The following RAD51B variants were observed in gnomAD, a reference collection of about 807,000 sequenced individuals.
The protein encoded by RAD51B is RAD51 paralog B, also known as DNA repair protein RAD51 homolog 2.
Under a neutral mutation model 42.2 loss-of-function variants are expected in RAD51B, and 38 were observed. That is an observed-to-expected ratio of 0.90 (90% confidence interval 0.70 to 1.18). The LOEUF is 1.18. Among genes scored for constraint, RAD51B ranks in the 50% most tolerant of loss-of-function variants. The probability of loss-of-function intolerance (pLI) is 0.00; values close to 1 mark genes in which losing one functional copy is unlikely to be tolerated. For missense variants in RAD51B, 373 were observed against 400.7 expected, an observed-to-expected ratio of 0.93 and a Z score of 0.59; for synonymous variants, 154 against 145.2, an observed-to-expected ratio of 1.06 and a Z score of -0.43.
chr14:68,491,703 A>G (rs1422718226), intron 10 of RAD51B, among the ~76,000 whole-genome samples: 1 of 152,166 alleles, frequency 6.6e-6, no homozygotes, highest in Non-Finnish European at 1.5e-5. Flanking sequence ...CCGAGTCCCA[A>G]TTCCCCAGTT....
intron 10 of RAD51B, among the ~76,000 whole-genome samples, chr14:68,605,932 G>A (rs1271258833): frequency 2.0e-5 from 3 of 152,306 alleles, no homozygotes; most frequent in South Asian, 2.1e-4. Context: ...TAGGGGACAC[G>A]CTGTCTGTGC....
chr14:68,561,906 C>T lies in RAD51B; in HGVS notation c.1037-32579C>T, dbSNP rs747036003. ...GGACAACAGTCTTCCATGCAGAGGG[C>T]GAGTGGGAGGATGAAATGAGGTCAT... On this transcript the variant is annotated intron_variant, in intron 10 of 10. Coordinates refer to the RAD51B transcript ENST00000487270. The T allele has an allele frequency of 1.2e-4, 110 of 948,650 alleles. No individual in the cohort carries two copies. The Admixed American group carries it at 1.5e-3, about 13-fold the overall frequency. 58.8% of individuals were successfully genotyped at this position (948,650 alleles called of 1,614,324 possible). A position where few individuals can be genotyped will look rare whatever the true frequency, so the allele number is the denominator to read the frequency against.
intron 7 of RAD51B, among the ~76,000 whole-genome samples, chr14:68,079,309 T>G (rs2140486175): frequency 6.6e-6 from 1 of 152,320 alleles, no homozygotes; most frequent in East Asian, 1.9e-4. Context: ...CTTTTTTATT[T>G]CATGTGGTCT....
At chr14:68,676,455 T>C (rs929451749) in intron 11 of RAD51B, among the ~76,000 whole-genome samples, 6 of 152,154 alleles carry the variant, frequency 3.9e-5, no homozygotes, top group Admixed American at 1.3e-4. Context: ...TAATAACTTT[T>C]AGGAGATTTG....
intron 8 of RAD51B, among the ~76,000 whole-genome samples, chr14:68,331,366 T>TAAAA (rs1477806707): frequency 0.018 from 256 of 14,130 alleles, 12 homozygotes; most frequent in East Asian, 0.14. Context: ...AGACTCTGTC[T>TAAAA]CAAAAAAAAA....
At chr14:67,893,105 T>A (rs1006363644) in intron 7 of RAD51B, among the ~76,000 whole-genome samples, 1 of 152,206 alleles carries the variant, frequency 6.6e-6, no homozygotes, top group South Asian at 2.1e-4. Flanking sequence ...CTAATAGATA[T>A]GTACAAGAGT....
intron 7 of RAD51B, among the ~76,000 whole-genome samples, chr14:68,102,232 T>C (rs569551873): frequency 6.6e-6 from 1 of 152,334 alleles, no homozygotes; most frequent in East Asian, 1.9e-4. Flanking sequence ...ACCTCTGACA[T>C]GCCCTGGAGA....
chr14:68,459,214 T>G (rs1024121660), intron 9 of RAD51B, among the ~76,000 whole-genome samples: 1 of 152,210 alleles, frequency 6.6e-6, no homozygotes, highest in African/African-American at 2.4e-5. Context: ...CTTGGAGAGT[T>G]CAGCTCAACC....
At chr14:68,321,114 T>C (rs1175554575) in intron 8 of RAD51B, among the ~76,000 whole-genome samples, 6 of 152,172 alleles carry the variant, frequency 3.9e-5, no homozygotes, top group Non-Finnish European at 7.4e-5. Context: ...CTTCTCACGA[T>C]TTTTAAAATC....
chr14:68,419,587 T>C (rs2084647124), intron 9 of RAD51B, among the ~76,000 whole-genome samples: 1 of 152,204 alleles, frequency 6.6e-6, no homozygotes, highest in Non-Finnish European at 1.5e-5. Context: ...ACTTTCCTTA[T>C]AGACAACATC....
At chr14:67,913,051 T>C (rs867640649) in intron 7 of RAD51B, among the ~76,000 whole-genome samples, 7 of 152,188 alleles carry the variant, frequency 4.6e-5, no homozygotes, top group African/African-American at 1.7e-4. Flanking sequence ...AATCTTTTAA[T>C]AGTATCGTAA....
intron 8 of RAD51B, among the ~76,000 whole-genome samples, chr14:68,350,949 A>G (rs766735396): frequency 2.0e-5 from 3 of 152,198 alleles, no homozygotes; most frequent in African/African-American, 7.2e-5. Flanking sequence ...ACTATCCAAC[A>G]TGGCATCCCC....
intron 7 of RAD51B, among the ~76,000 whole-genome samples, chr14:68,092,391 G>T (rs2140521406): frequency 6.6e-6 from 1 of 152,220 alleles, no homozygotes; most frequent in Non-Finnish European, 1.5e-5. Context: ...GTGGTTTGTA[G>T]TTCTCCTTGA....
intron 7 of RAD51B, among the ~76,000 whole-genome samples, chr14:68,143,015 G>C (rs1404699504): frequency 6.6e-6 from 1 of 150,966 alleles, no homozygotes; most frequent in Non-Finnish European, 1.5e-5. Context: ...CGGAGGGCGA[G>C]GGGGTGGGGG....
At chr14:68,106,853 C>A (rs2140568958) in intron 7 of RAD51B, among the ~76,000 whole-genome samples, 1 of 151,860 alleles carries the variant, frequency 6.6e-6, no homozygotes, top group South Asian at 2.1e-4. Context: ...ATTTAGGAGC[C>A]AAATACATAA....
At chr14:68,540,399 T>C (rs1887898824) in intron 10 of RAD51B, 2 of 1,055,526 alleles carry the variant, frequency 1.9e-6, no homozygotes, top group Non-Finnish European at 1.1e-6. Context: ...TCATTACATA[T>C]GACTTATTCA....
intron 11 of RAD51B, among the ~76,000 whole-genome samples, chr14:68,672,621 TTA>T (rs1391553405): frequency 2.6e-5 from 4 of 152,218 alleles, no homozygotes; most frequent in African/African-American, 9.6e-5. Context: ...ACTTGGCTAG[TTA>T]TATAGCCCAG....
intron 10 of RAD51B, among the ~76,000 whole-genome samples, chr14:68,518,330 C>A (rs897205650): frequency 6.6e-6 from 1 of 152,346 alleles, no homozygotes. Context: ...GGGCTCAGCT[C>A]TTTGGCAAGT....
intron 7 of RAD51B, among the ~76,000 whole-genome samples, chr14:68,059,480 T>C (rs2076534929): frequency 6.6e-6 from 1 of 152,214 alleles, no homozygotes. Context: ...GCAATTATTC[T>C]GGATTTTTCA....
Sources: gnomAD v4.1 joint callset for allele counts (sites outside exome capture counted in the v4.1 genomes callset) on GRCh38, gnomAD v4.1.1 for gene constraint, MANE v1.5 for transcripts, NCBI Gene and HGNC (gene_info 2026-07-23, HGNC 2026-07-21) for gene names.